YAP1: variants seen among roughly 807,000 people sequenced by gnomAD.
YAP1 encodes the protein Yes1 associated transcriptional regulator, also known as transcriptional coactivator YAP1.
YAP1 carries 5 observed loss-of-function variants against 56.9 expected under a neutral mutation model. The observed-to-expected ratio is 0.09, with a 90% confidence interval of 0.05 to 0.18. The LOEUF is 0.18. Ranked by LOEUF, YAP1 falls within the 10% of genes least tolerant of loss-of-function variation. The probability of loss-of-function intolerance (pLI) is 1.00; values close to 1 mark genes in which losing one functional copy is unlikely to be tolerated. For synonymous variants in YAP1, 265 were observed against 248.1 expected (o/e 1.07, Z -0.64); for missense variants, 539 against 651.8 (o/e 0.83, Z 1.88).
chr11:102,203,648 T>C (rs1948988427), intron 4 of YAP1, among the ~76,000 whole-genome samples: 1 of 152,226 alleles, frequency 6.6e-6, no homozygotes, highest in Non-Finnish European at 1.5e-5. Flanking sequence ...TATTAATTTT[T>C]CTACTTTTCT....
chr11:102,154,691 A>G (rs1945843081), intron 2 of YAP1, among the ~76,000 whole-genome samples: 1 of 152,194 alleles, frequency 6.6e-6, no homozygotes, highest in African/African-American at 2.4e-5. Context: ...TCCTACGTGT[A>G]AAACTTATTC....
chr11:102,188,393 C>T (rs1418769225), intron 4 of YAP1, among the ~76,000 whole-genome samples: 1 of 152,124 alleles, frequency 6.6e-6, no homozygotes, highest in Non-Finnish European at 1.5e-5. Context: ...CAAACAACCC[C>T]TTTTATATGT....
At chr11:102,115,574 C>T (rs565724989) in intron 2 of YAP1, among the ~76,000 whole-genome samples, 2 of 151,308 alleles carry the variant, frequency 1.3e-5, no homozygotes, top group Admixed American at 6.6e-5. Context: ...GCCCCCTTTC[C>T]TGCAACTTTT....
intron 7 of YAP1, 66 bp downstream of exon 7, chr11:102,223,818 T>G: frequency 6.3e-7 from 1 of 1,592,058 alleles, no homozygotes; most frequent in Middle Eastern, 1.7e-4. Flanking sequence ...TTCTGCTTAG[T>G]GCTTGTAATA....
intron 2 of YAP1, among the ~76,000 whole-genome samples, chr11:102,147,260 CATT>C (rs1292193372): frequency 1.4e-4 from 21 of 152,298 alleles, no homozygotes; most frequent in Admixed American, 7.8e-4. Flanking sequence ...ATGTAATCCT[CATT>C]ATAGCCACAT....
chr11:102,182,204 A>T (rs888706834), intron 3 of YAP1, among the ~76,000 whole-genome samples: 2 of 152,242 alleles, frequency 1.3e-5, no homozygotes, highest in African/African-American at 4.8e-5. Flanking sequence ...CAAAAAGTAT[A>T]GGGGTAAGGC....
intron 4 of YAP1, among the ~76,000 whole-genome samples, chr11:102,203,807 CAT>C (rs566104658): frequency 3.9e-4 from 59 of 152,188 alleles, no homozygotes; most frequent in South Asian, 1.5e-3. Context: ...TATTTCAAAA[CAT>C]GTGGGATGCA....
chr11:102,178,632 T>G (rs1207168884), intron 3 of YAP1, among the ~76,000 whole-genome samples: 2 of 152,190 alleles, frequency 1.3e-5, no homozygotes, highest in Non-Finnish European at 2.9e-5. Flanking sequence ...TAGTAAATCT[T>G]ACATAAAAAC....
intron 2 of YAP1, among the ~76,000 whole-genome samples, chr11:102,129,425 C>T (rs529331499): frequency 3.2e-4 from 49 of 151,972 alleles, no homozygotes; most frequent in African/African-American, 1.1e-3. Flanking sequence ...TCAAGACTAG[C>T]CTGACCAACA....
At chr11:102,191,354 A>C (rs1024890621) in intron 4 of YAP1, among the ~76,000 whole-genome samples, 1 of 150,240 alleles carries the variant, frequency 6.7e-6, no homozygotes, top group Non-Finnish European at 1.5e-5. Flanking sequence ...TCGGACCACC[A>C]ACACTTTTTT....
chr11:102,163,678 AT>A (rs1268629059), intron 3 of YAP1, among the ~76,000 whole-genome samples: 3 of 152,148 alleles, frequency 2.0e-5, no homozygotes, highest in Admixed American at 6.5e-5. Context: ...TACACAGTAG[AT>A]TTCTTAAACA....
At chr11:102,120,550 C>G (rs1335664868) in intron 2 of YAP1, among the ~76,000 whole-genome samples, 1 of 152,192 alleles carries the variant, frequency 6.6e-6, no homozygotes, top group Non-Finnish European at 1.5e-5. Context: ...CTCTCTATCT[C>G]TTTATGGGAT....
intron 3 of YAP1, among the ~76,000 whole-genome samples, chr11:102,184,953 T>G (rs1947867482): frequency 6.6e-6 from 1 of 152,212 alleles, no homozygotes. Context: ...TTAGAATAAG[T>G]AGTACTACTG....
At chr11:102,143,331 G>C (rs961429014) in intron 2 of YAP1, among the ~76,000 whole-genome samples, 10 of 152,162 alleles carry the variant, frequency 6.6e-5, no homozygotes, top group Non-Finnish European at 1.0e-4. Flanking sequence ...ATTAAGTACT[G>C]TTGCAGAAGC....
chr11:102,114,517 G>C (rs1052366243), intron 2 of YAP1, 123 bp downstream of exon 2: 9 of 1,171,886 alleles, frequency 7.7e-6, no homozygotes, highest in Non-Finnish European at 1.0e-5. Context: ...TTTATGTTAA[G>C]CTCTGTAGCT....
At chr11:102,190,482 A>C (rs112289957) in intron 4 of YAP1, among the ~76,000 whole-genome samples, 11,868 of 151,576 alleles carry the variant, frequency 0.078, 548 homozygotes, top group South Asian at 0.19. Context: ...AATAGAAAAA[A>C]ATAGCTGGGA....
At chr11:102,147,238 C>T (rs1237921662) in intron 2 of YAP1, among the ~76,000 whole-genome samples, 1 of 152,140 alleles carries the variant, frequency 6.6e-6, no homozygotes, top group Non-Finnish European at 1.5e-5. Flanking sequence ...TGTGCTTTAG[C>T]TGCATTTTTT....
chr11:102,118,685 A>T (rs1943456806), intron 2 of YAP1, among the ~76,000 whole-genome samples: 1 of 149,182 alleles, frequency 6.7e-6, no homozygotes, highest in Non-Finnish European at 1.5e-5. Context: ...TGGCAGGTGG[A>T]GGCTGCAGTG....
chr11:102,185,888 G>A, intron 3 of YAP1, 130 bp from the exon 4 acceptor site: 1 of 920,168 alleles, frequency 1.1e-6, no homozygotes, highest in Non-Finnish European at 1.6e-6. Context: ...TCTGAACACA[G>A]CCTTAAATAT....
Sources: gnomAD v4.1 joint callset for allele counts (sites outside exome capture counted in the v4.1 genomes callset) on GRCh38, gnomAD v4.1.1 for gene constraint, MANE v1.5 for transcripts, NCBI Gene and HGNC (gene_info 2026-07-23, HGNC 2026-07-21) for gene names.